The following FER variants were observed in gnomAD, a reference collection of about 807,000 sequenced individuals.
The protein encoded by FER is FER tyrosine kinase.
A neutral mutation model predicts 111.0 loss-of-function variants in FER; 63 were observed. The observed-to-expected ratio is 0.57, with a 90% CI of 0.46 to 0.70. The LOEUF is 0.70. Ranked by LOEUF, FER falls within the 30% of genes least tolerant of loss-of-function variation. The probability of loss-of-function intolerance (pLI) is 0.00; values close to 1 mark genes in which losing one functional copy is unlikely to be tolerated. For synonymous variants in FER, 327 were observed against 313.9 expected, an observed-to-expected ratio of 1.04 and a Z score of -0.44; for missense variants, 914 against 954.0, an observed-to-expected ratio of 0.96 and a Z score of 0.55.
chr5:109,175,206 A>G (rs1383424409), intron 17 of FER, among the ~76,000 whole-genome samples: 1 of 152,226 alleles, frequency 6.6e-6, no homozygotes, highest in Non-Finnish European at 1.5e-5. Context: ...GCTAAATTCA[A>G]GTCTTCCTAT....
At chr5:109,164,522 G>T (rs1373008524) in intron 17 of FER, among the ~76,000 whole-genome samples, 1 of 152,048 alleles carries the variant, frequency 6.6e-6, no homozygotes, top group Non-Finnish European at 1.5e-5. Flanking sequence ...TCTGAATCAT[G>T]TCTATATCTG....
At chr5:108,981,743 A>C (rs943232687) in intron 13 of FER, among the ~76,000 whole-genome samples, 3 of 152,152 alleles carry the variant, frequency 2.0e-5, no homozygotes, top group African/African-American at 7.2e-5. Context: ...ATTGAGGCAC[A>C]GAGAAGTTAC....
At chr5:108,972,447 G>C (rs542917733) in intron 13 of FER, among the ~76,000 whole-genome samples, 5 of 152,134 alleles carry the variant, frequency 3.3e-5, no homozygotes, top group African/African-American at 1.2e-4. Context: ...TTCATTATTA[G>C]TCTCCTTTAG....
intron 17 of FER, among the ~76,000 whole-genome samples, chr5:109,165,936 T>C (rs1041368217): frequency 1.3e-5 from 2 of 152,094 alleles, no homozygotes; most frequent in Non-Finnish European, 2.9e-5. Context: ...CTCTGTCTAA[T>C]TGGAGTTATG....
intron 6 of FER, among the ~76,000 whole-genome samples, chr5:108,869,870 T>C (rs2150242408): frequency 6.6e-6 from 1 of 152,216 alleles, no homozygotes; most frequent in South Asian, 2.1e-4. Context: ...TAGGTAAGAC[T>C]AAATTTTAGG....
At chr5:108,863,653 A>G (rs997027088) in intron 5 of FER, among the ~76,000 whole-genome samples, 1 of 152,154 alleles carries the variant, frequency 6.6e-6, no homozygotes, top group Non-Finnish European at 1.5e-5. Context: ...GCAGAGTGAG[A>G]TAAATCTTCT....
At chr5:108,788,518 C>T (rs1227189675) in intron 2 of FER, among the ~76,000 whole-genome samples, 1 of 149,102 alleles carries the variant, frequency 6.7e-6, no homozygotes, top group Non-Finnish European at 1.5e-5. Context: ...CCCTAATGAT[C>T]CTGCGACACT....
intron 13 of FER, among the ~76,000 whole-genome samples, chr5:109,029,179 C>T (rs920570829): frequency 6.7e-6 from 1 of 149,490 alleles, no homozygotes; most frequent in Non-Finnish European, 1.5e-5. Context: ...TAAGGTAGAG[C>T]TCTGTTTAGT....
At chr5:109,030,023 TTTG>T (rs1178264845) in intron 13 of FER, among the ~76,000 whole-genome samples, 84 of 152,316 alleles carry the variant, frequency 5.5e-4, no homozygotes, top group African/African-American at 1.8e-3. Flanking sequence ...CTATTTTCTC[TTTG>T]TTGTTCAAAT....
chr5:109,081,441 A>C (rs72796550), intron 16 of FER, among the ~76,000 whole-genome samples: 1 of 152,022 alleles, frequency 6.6e-6, no homozygotes, highest in Non-Finnish European at 1.5e-5. Context: ...TAGGAGAAAT[A>C]TCTGTTTATG....
At chr5:108,981,897 A>C (rs1457332740) in intron 13 of FER, among the ~76,000 whole-genome samples, 1 of 152,104 alleles carries the variant, frequency 6.6e-6, no homozygotes, top group Non-Finnish European at 1.5e-5. Context: ...CTGTAATTTC[A>C]TGTTCATAGT....
At chr5:108,949,880 A>G (rs1213506806) in intron 11 of FER, among the ~76,000 whole-genome samples, 2 of 152,140 alleles carry the variant, frequency 1.3e-5, no homozygotes, top group African/African-American at 4.8e-5. Flanking sequence ...AAACTATAGC[A>G]AAAATGTGTT....
At chr5:109,141,189 A>G (rs1315399959) in intron 17 of FER, among the ~76,000 whole-genome samples, 2 of 152,166 alleles carry the variant, frequency 1.3e-5, no homozygotes, top group East Asian at 3.9e-4. Flanking sequence ...GGAGAAAACA[A>G]AGATTTCCTT....
chr5:109,062,022 T>TTCGCTTGCTTGC (rs1554129294), intron 16 of FER, among the ~76,000 whole-genome samples: 3 of 150,536 alleles, frequency 2.0e-5, no homozygotes, highest in Admixed American at 1.3e-4. Context: ...TTATGAATAC[T>TTCGCTTGCTTGC]TTGCTTGCTT....
chr5:109,151,042 T>C (rs1190545317), intron 17 of FER, among the ~76,000 whole-genome samples: 1 of 152,160 alleles, frequency 6.6e-6, no homozygotes, highest in Non-Finnish European at 1.5e-5. Flanking sequence ...GCTAGTTTCT[T>C]TTCCCTTTGA....
chr5:108,959,234 C>G lies in FER; in HGVS notation c.1543C>G (p.Arg515Gly). ...FIIQYVDNMY[R>G]FEGTGFSNIP... ...ATTGTTCTCTCTCCAGAACATGTATCGATTCGAGGGCACTGGGTTTTCAAA... is the reference window on the plus strand; with the variant it reads ...ATTGTTCTCTCTCCAGAACATGTATGGATTCGAGGGCACTGGGTTTTCAAA... Residue 515 changes from arginine (R) to glycine (G), a missense_variant, in exon 13 of 20, where the codon CGA becomes GGA. Arg to Gly is a moderately radical substitution (Grantham distance 125). Coordinates refer to ENST00000281092, the MANE Select transcript of FER (RefSeq NM_005246.4). 1 of 1,611,224 alleles carries G rather than the reference C, an allele frequency of 6.2e-7. No individual in the cohort carries two copies. The highest frequency in any genetic ancestry group is 8.5e-7 in the Non-Finnish European group (1 of 1,178,350).
At chr5:109,031,335 G>C (rs1769579326) in intron 13 of FER, among the ~76,000 whole-genome samples, 1 of 151,946 alleles carries the variant, frequency 6.6e-6, no homozygotes, top group Non-Finnish European at 1.5e-5. Context: ...CTTGAATTAT[G>C]TCCAGGGTTT....
chr5:109,119,623 A>T (rs1465801893), intron 17 of FER, among the ~76,000 whole-genome samples: 1 of 152,024 alleles, frequency 6.6e-6, no homozygotes, highest in Non-Finnish European at 1.5e-5. Flanking sequence ...AAAGTCTCCT[A>T]TTATTATTGT....
In FER at chr5:109,140,786, A is replaced by G. The variant is rs141187541; in HGVS notation, c.2049-39961A>G. ...GCCATCTGATAATAGGGTGGAGTATATTTAAATCATAATGAATTGGGAGGG... is the reference window on the plus strand; with the variant it reads ...GCCATCTGATAATAGGGTGGAGTATGTTTAAATCATAATGAATTGGGAGGG... On this transcript the variant is annotated intron_variant, in intron 17 of 19. Transcript: ENST00000281092. 7.8e-3 allele frequency among the ~76,000 whole-genome samples: 1,190 copies of G among 152,280 alleles called. 12 individuals are homozygous for G. The highest frequency in any genetic ancestry group is 0.028 in the African/African-American group (1,153 of 41,556).
Sources: allele counts gnomAD v4.1 joint callset (sites outside exome capture counted in the v4.1 genomes callset), GRCh38; gene constraint gnomAD v4.1.1; transcripts MANE v1.5; gene names NCBI Gene and HGNC (gene_info 2026-07-23, HGNC 2026-07-21).